Variants in FRMPD4 observed in about 807,000 individuals in gnomAD.
The protein encoded by FRMPD4 is FERM and PDZ domain containing 4, also known as FERM and PDZ domain-containing protein 4.
In FRMPD4, 22 loss-of-function variants were observed where a neutral mutation model predicts 94.1. That is an observed-to-expected ratio of 0.23 (90% CI 0.17 to 0.33). FRMPD4 has a LOEUF of 0.33. Ranked by LOEUF, FRMPD4 falls within the 10% of genes least tolerant of loss-of-function variation. FRMPD4 has a pLI of 1.00. For missense variants in FRMPD4, 1,111 were observed against 1,339.9 expected (o/e 0.83, Z 2.67); for synonymous variants, 631 against 548.6 (o/e 1.15, Z -2.10).
intron 1 of FRMPD4, among the ~76,000 whole-genome samples, chrX:12,479,451 T>TATATATACAC (rs1569293669): frequency 4.3e-4 from 43 of 100,877 alleles, no homozygotes; most frequent in African/African-American, 1.6e-3. Flanking sequence ...TATATGTATA[T>TATATATACAC]ATATGTATAT....
chrX:11,834,996 A>G (rs1487005695), intron 1 of FRMPD4, among the ~76,000 whole-genome samples: 4 of 112,220 alleles, frequency 3.6e-5, no homozygotes, highest in Non-Finnish European at 7.5e-5. Context: ...TTAATTATAA[A>G]AGCTCAAGGC....
chrX:12,677,636 C>A (rs1198035183), intron 5 of FRMPD4, among the ~76,000 whole-genome samples: 1 of 111,849 alleles, frequency 8.9e-6, no homozygotes, highest in East Asian at 2.8e-4. Context: ...ATTTTAATTT[C>A]TTTTGCAACT....
chrX:11,983,158 G>A (rs1055280564), intron 3 of FRMPD4, among the ~76,000 whole-genome samples: 2 of 112,137 alleles, frequency 1.8e-5, no homozygotes, highest in African/African-American at 6.5e-5. Context: ...ACCCATGTGT[G>A]GACAAGCTTT....
intron 1 of FRMPD4, among the ~76,000 whole-genome samples, chrX:12,362,398 A>T (rs1452886561): frequency 2.8e-5 from 3 of 108,974 alleles, no homozygotes; most frequent in Admixed American, 2.0e-4. Flanking sequence ...GATGTTCCCC[A>T]CCCTGTGTCC....
At chrX:12,141,570 A>G (rs771327251) in intron 1 of FRMPD4, among the ~76,000 whole-genome samples, 1 of 104,326 alleles carries the variant, frequency 9.6e-6, no homozygotes, top group Admixed American at 1.0e-4. Context: ...CCCCTCAATA[A>G]CCCAGTACCA....
At chrX:12,272,528 T>C (rs2054369986) in intron 1 of FRMPD4, among the ~76,000 whole-genome samples, 1 of 111,440 alleles carries the variant, frequency 9.0e-6, no homozygotes, top group Admixed American at 9.5e-5. Context: ...ATGATTATGG[T>C]GGTTGGGCCT....
At chrX:12,664,062 G>C (rs1005713075) in intron 4 of FRMPD4, among the ~76,000 whole-genome samples, 1 of 112,362 alleles carries the variant, frequency 8.9e-6, no homozygotes, top group Non-Finnish European at 1.9e-5. Context: ...TGTTTCCTGA[G>C]ACTTTGCTGA....
At position 12,551,994 on chromosome X, in the gene FRMPD4, C is replaced by A. The variant is rs986846049; in HGVS notation, c.158+53198C>A. 3.6e-5 allele frequency among the ~76,000 whole-genome samples: 4 copies of A among 111,733 alleles called. No homozygotes were observed. In the East Asian group the frequency reaches 1.1e-3, roughly 31 times the overall value. On this transcript the variant is annotated intron_variant, in intron 2 of 16. Transcript: ENST00000675598. ...GGTAGAATAAATGGTTGAGTCTTTCCCTTTATTCAGTAGTTTTCAAAATAA... is the reference window on the plus strand; with the variant it reads ...GGTAGAATAAATGGTTGAGTCTTTCACTTTATTCAGTAGTTTTCAAAATAA...
chrX:12,714,773 C>T (rs919057733), intron 14 of FRMPD4, among the ~76,000 whole-genome samples: 9 of 111,868 alleles, frequency 8.0e-5, no homozygotes, highest in Non-Finnish European at 1.5e-4. Context: ...TCCCCCCACA[C>T]GCACACCCAG....
At chrX:12,659,154 G>T (rs919192956) in intron 4 of FRMPD4, among the ~76,000 whole-genome samples, 2 of 111,924 alleles carry the variant, frequency 1.8e-5, no homozygotes, top group Non-Finnish European at 3.8e-5. Context: ...GTGCCCAGGA[G>T]GTTCTTCCCC....
At chrX:12,610,359 G>A (rs1407896702) in intron 3 of FRMPD4, among the ~76,000 whole-genome samples, 1 of 112,740 alleles carries the variant, frequency 8.9e-6, no homozygotes, top group African/African-American at 3.2e-5. Flanking sequence ...GATTGACAAT[G>A]GCCAACGGCA....
At chrX:11,880,052 G>A (rs976807652) in intron 3 of FRMPD4, among the ~76,000 whole-genome samples, 3 of 112,187 alleles carry the variant, frequency 2.7e-5, no homozygotes, top group Non-Finnish European at 5.6e-5. Flanking sequence ...TAAAATTAAA[G>A]TGACTTGAGA....
At chrX:12,231,030 GTATATATATATATATATAAAATATA>G (rs2056994586) in intron 1 of FRMPD4, among the ~76,000 whole-genome samples, 4 of 26,410 alleles carry the variant, frequency 1.5e-4, no homozygotes, top group Admixed American at 5.2e-4. Context: ...TATATATATA[GTATATATATATATATATAAAATATA>G]TATATATATA....
intron 3 of FRMPD4, among the ~76,000 whole-genome samples, chrX:11,878,119 G>T (rs1055909240): frequency 7.5e-4 from 84 of 112,264 alleles, no homozygotes; most frequent in African/African-American, 2.3e-3. Context: ...GGAAAGAATT[G>T]AAAGCTGTGT....
chrX:12,048,191 T>C (rs2147448707), intron 3 of FRMPD4, among the ~76,000 whole-genome samples: 1 of 112,570 alleles, frequency 8.9e-6, no homozygotes, highest in South Asian at 3.7e-4. Flanking sequence ...ATAATAGCTG[T>C]TCTGGCCGGT....
intron 1 of FRMPD4, among the ~76,000 whole-genome samples, chrX:12,457,155 A>G (rs1249062385): frequency 8.9e-6 from 1 of 112,201 alleles, no homozygotes; most frequent in East Asian, 2.8e-4. Context: ...CTGGTTTTTG[A>G]CAAAACAAAT....
intron 2 of FRMPD4, among the ~76,000 whole-genome samples, chrX:12,591,053 G>A (rs1312219464): frequency 9.0e-6 from 1 of 111,611 alleles, no homozygotes; most frequent in Non-Finnish European, 1.9e-5. Flanking sequence ...CAGTGCAGGA[G>A]TTCAGAGGGC....
chrX:11,964,772 A>T (rs1266530737), intron 3 of FRMPD4, among the ~76,000 whole-genome samples: 3 of 112,352 alleles, frequency 2.7e-5, no homozygotes, highest in Admixed American at 9.3e-5. Flanking sequence ...TTTAAACAAC[A>T]CAAATTTACT....
At chrX:11,961,986 A>C (rs974193435) in intron 3 of FRMPD4, among the ~76,000 whole-genome samples, 1 of 112,740 alleles carries the variant, frequency 8.9e-6, no homozygotes, top group African/African-American at 3.2e-5. Context: ...AATTCTAGGA[A>C]GTAGCAGAGG....
Sources: gnomAD v4.1 joint callset for allele counts (sites outside exome capture counted in the v4.1 genomes callset) on GRCh38, gnomAD v4.1.1 for gene constraint, MANE v1.5 for transcripts, NCBI Gene and HGNC (gene_info 2026-07-23, HGNC 2026-07-21) for gene names.